Variants in MRPS7 observed in about 807,000 individuals in gnomAD.
MRPS7 encodes mitochondrial ribosomal protein S7.
Under a neutral mutation model 26.2 loss-of-function variants are expected in MRPS7, and 13 were observed. The ratio of observed to expected loss-of-function variants is 0.50; its 90% CI spans 0.32 to 0.79. The LOEUF (loss-of-function observed/expected upper bound fraction) is 0.79, where lower values mean the gene tolerates loss of function less well. Ranked by LOEUF, MRPS7 falls within the 30% of genes least tolerant of loss-of-function variation. The pLI, the probability that MRPS7 is intolerant of heterozygous loss-of-function variation, is 0.03. For synonymous variants in MRPS7, 129 were observed against 113.3 expected, an observed-to-expected ratio of 1.14 and a Z score of -0.88; for missense variants, 318 against 312.2, an observed-to-expected ratio of 1.02 and a Z score of -0.14.
Position 75,262,004 on chromosome 17 carries a change from GGC to G in MRPS7, c.83+23_83+24del, listed in dbSNP as rs36039201. 1,311,206 of 1,557,946 alleles carry G rather than the reference GGC, an allele frequency of 0.84. 544,674 individuals carry two copies. Among genetic ancestry groups the G allele is most frequent in the East Asian group, 0.94 (41,871 of 44,432 alleles). ...CCAGGGTGAGAGGGTGGCGAGCAGC[GGC>G]GGGGGGGCGCTGCGAGGAAGGAAGG... On this transcript the variant is annotated intron_variant, in intron 1 of 4. Transcript: ENST00000245539.
chr17:75,263,039 C>T (rs2077433237), intron 3 of MRPS7, 172 bp downstream of exon 3: 3 of 670,770 alleles, frequency 4.5e-6, no homozygotes, highest in South Asian at 4.2e-5. Context: ...CAGCAACTGC[C>T]ATTCCTTGGT....
chr17:75,262,566 T>C lies in MRPS7; in HGVS notation c.153T>C (p.Tyr51=), dbSNP rs776249725. The C allele has an allele frequency of 1.9e-6, 3 of 1,614,176 alleles. No individual in the cohort carries two copies. The East Asian group carries it at 6.7e-5, about 36-fold the overall frequency. Residue 51 remains tyrosine, a synonymous_variant, in exon 2 of 5, where the codon TAT becomes TAC. Transcript: ENST00000245539. ...ATCCCTTGATTGACAAGGAATATTA[T>C]CGCAAGCCAGTGGAGGAGCTAACTG... ...FKDPLIDKEY[Y]RKPVEELTEE...
In MRPS7 at chr17:75,263,524, G is replaced by A. The variant is rs777946116; in HGVS notation, c.507+17G>A. On this transcript the variant is annotated intron_variant, in intron 4 of 4. Transcript: ENST00000245539. ...TTCTACCAGGTGAATGAATGGCCAG[G>A]GCAAGAAAGCAGGGCCCTCCACATG... The A allele has an allele frequency of 9.9e-6, 16 of 1,613,566 alleles. No individual in the cohort carries two copies. Among genetic ancestry groups the A allele is most frequent in the Non-Finnish European group, 9.3e-6 (11 of 1,179,958 alleles).
chr17:75,263,546 C>T (rs373398547), intron 4 of MRPS7, 39 bp downstream of exon 4: 2 of 1,611,306 alleles, frequency 1.2e-6, no homozygotes, highest in South Asian at 1.1e-5. Flanking sequence ...GGGCCCTCCA[C>T]ATGTGAAACA....
rs762944168 is a variant in MRPS7 at position 75,265,880 on chromosome 17, T to C, written c.686T>C (p.Met229Thr). The C allele has an allele frequency of 1.9e-6, 3 of 1,614,046 alleles. No individual in the cohort carries two copies. Among genetic ancestry groups the C allele is most frequent in the Admixed American group, 3.3e-5 (2 of 60,022 alleles). Residue 229 changes from methionine (M) to threonine (T), a missense_variant, in exon 5 of 5, where the codon ATG (methionine) becomes ACG (threonine). By Grantham distance (81) the Met-to-Thr change is moderately conservative. Transcript: ENST00000245539. ...VIKRKHDLHKMAEANRALAHY... is the reference protein window; with the variant it reads ...VIKRKHDLHKTAEANRALAHY... Reference sequence around the variant, plus strand: ...AAGAGGAAGCATGACTTGCACAAGATGGCAGAGGCCAACCGTGCCCTGGCC... The same window carrying C: ...AAGAGGAAGCATGACTTGCACAAGACGGCAGAGGCCAACCGTGCCCTGGCC...
intron 4 of MRPS7, chr17:75,264,228 G>A (rs1281158231): frequency 6.6e-6 from 1 of 151,702 alleles, no homozygotes; most frequent in Middle Eastern, 3.4e-3. Context: ...TCTGAGTCCT[G>A]TAGCGTAAAA....
chr17:75,263,042 T>A, intron 3 of MRPS7, 175 bp downstream of exon 3: 1 of 669,960 alleles, frequency 1.5e-6, no homozygotes, highest in Non-Finnish European at 2.5e-6. Context: ...CAACTGCCAT[T>A]CCTTGGTGTT....
chr17:75,265,050 C>G (rs2077463347), intron 4 of MRPS7, among the ~76,000 whole-genome samples: 1 of 149,416 alleles, frequency 6.7e-6, no homozygotes, highest in Non-Finnish European at 1.5e-5. Flanking sequence ...TTTTCTTTTT[C>G]TTTTTTTTTG....
At position 75,266,193 on chromosome 17, in the gene MRPS7, G is replaced by A. The variant is rs2077479676; in HGVS notation, c.*270G>A. Reference sequence around the variant, plus strand: ...TCAGGGCTGTTTTCTCTTCCCTTAGGTTGGGGCGGACCTTTGGATATATAA... The same window carrying A: ...TCAGGGCTGTTTTCTCTTCCCTTAGATTGGGGCGGACCTTTGGATATATAA... On this transcript the variant is annotated 3_prime_UTR_variant, in exon 5 of 5. Transcript: ENST00000245539. 3.8e-6 allele frequency: 2 copies of A among 523,964 alleles called. No homozygotes were observed. The highest frequency in any genetic ancestry group is 3.4e-5 in the East Asian group (1 of 28,992). The allele number at this position is 523,964 out of a possible 1,614,324, so 32.5% of individuals were successfully genotyped here. A position where few individuals can be genotyped will look rare whatever the true frequency, so the allele number is the denominator to read the frequency against.
intron 4 of MRPS7, 34 bp from the exon 5 acceptor site, chr17:75,265,668 T>C (rs1190295525): frequency 1.3e-6 from 2 of 1,590,988 alleles, no homozygotes; most frequent in Middle Eastern, 1.7e-4. Flanking sequence ...TGGCAGACTC[T>C]TGGACCAACT....
intron 3 of MRPS7, 79 bp from the exon 4 acceptor site, chr17:75,263,261 T>C (rs2077437102): frequency 7.7e-6 from 12 of 1,558,378 alleles, no homozygotes; most frequent in Non-Finnish European, 1.0e-5. Context: ...AGGATGGGAG[T>C]AAAGGGCAAG....
Position 75,265,728 on chromosome 17 carries a change from T to C in MRPS7, c.534T>C (p.Arg178=), listed in dbSNP as rs1189444309. ...YQVPVPLPDR[R]RRFLAMKWMI... ...TCCCTGTACCCCTACCCGACCGGCG[T>C]CGCCGCTTCCTAGCCATGAAGTGGA... Residue 178 remains arginine (R), a synonymous_variant, in exon 5 of 5, where the codon CGT becomes CGC. Coordinates refer to ENST00000245539, the MANE Select transcript of MRPS7 (RefSeq NM_015971.4). 1.2e-6 allele frequency: 2 copies of C among 1,613,914 alleles called. No individual in the cohort carries two copies. The highest frequency in any genetic ancestry group is 1.7e-6 in the Non-Finnish European group (2 of 1,180,038).
Position 75,261,931 on chromosome 17 carries a change from G to C in MRPS7, c.31G>C (p.Gly11Arg), listed in dbSNP as rs756852535. The change falls in exon 1 of 5, where the codon GGA (glycine) becomes CGA (arginine). Residue 11 changes from glycine (G) to arginine (R), a missense_variant. By Grantham distance (125) the Gly-to-Arg change is moderately radical. Transcript: ENST00000245539. ...TGCCCCCGCAGTGAAGGTTGCCCGA[G>C]GATGGTCGGGCCTGGCGTTGGGCGT... MAAPAVKVAR[G>R]WSGLALGVRR... 1 of 1,609,034 alleles carries C rather than the reference G, an allele frequency of 6.2e-7. No homozygotes were observed. Among genetic ancestry groups the C allele is most frequent in the Non-Finnish European group, 8.5e-7 (1 of 1,179,888 alleles).
chr17:75,261,927 C>T lies in MRPS7; in HGVS notation c.27C>T (p.Ala9=), dbSNP rs777267916. 1.7e-5 allele frequency: 27 copies of T among 1,609,048 alleles called. No homozygotes were observed. The South Asian group carries it at 2.9e-4, about 17-fold the overall frequency. ...TGGCTGCCCCCGCAGTGAAGGTTGC[C>T]CGAGGATGGTCGGGCCTGGCGTTGG... MAAPAVKV[A]RGWSGLALGV... is the part of the protein sequence containing the mutation. The change falls in exon 1 of 5, where the codon GCC becomes GCT. Residue 9 remains alanine, a synonymous_variant. Coordinates refer to ENST00000245539, the MANE Select transcript of MRPS7 (RefSeq NM_015971.4).
rs1325778726 is a variant in MRPS7 at position 75,266,344 on chromosome 17, T to C, written c.*421T>C. On this transcript the variant is annotated 3_prime_UTR_variant, in exon 5 of 5. Coordinates refer to ENST00000245539, the MANE Select transcript of MRPS7 (RefSeq NM_015971.4). ...AGGCTTGTTTCCAGAGTTGTCCTTA[T>C]ACAAAATGTATAAAAAGCAGTTTCT... 3 of 362,254 alleles carry C rather than the reference T, an allele frequency of 8.3e-6. No homozygotes were observed. Among genetic ancestry groups the C allele is most frequent in the Admixed American group, 4.3e-5 (1 of 23,514 alleles). The allele number at this position is 362,254 out of a possible 1,614,324, so 22.4% of individuals were successfully genotyped here.
At chr17:75,262,365 G>A (rs762248682) in intron 1 of MRPS7, 132 bp from the exon 2 acceptor site, 5 of 991,596 alleles carry the variant, frequency 5.0e-6, no homozygotes, top group East Asian at 2.4e-5. Flanking sequence ...AATTGTTGTG[G>A]CTCAGGTTTA....
chr17:75,262,428 A>C (rs914707772), intron 1 of MRPS7, 69 bp from the exon 2 acceptor site: 3 of 1,532,724 alleles, frequency 2.0e-6, no homozygotes, highest in Non-Finnish European at 1.8e-6. Context: ...AGTCATGCCT[A>C]TTGTTAAGTC....
intron 4 of MRPS7, among the ~76,000 whole-genome samples, chr17:75,265,000 A>G (rs900791436): frequency 9.9e-5 from 15 of 151,882 alleles, no homozygotes; most frequent in African/African-American, 2.9e-4. Context: ...ACTTGGTAGG[A>G]CTACCATTTA....
At position 75,266,346 on chromosome 17, in the gene MRPS7, C is replaced by A. The variant is rs1281565313; in HGVS notation, c.*423C>A. On this transcript the variant is annotated 3_prime_UTR_variant, in exon 5 of 5. Coordinates refer to ENST00000245539, the MANE Select transcript of MRPS7 (RefSeq NM_015971.4). Reference sequence around the variant, plus strand: ...GCTTGTTTCCAGAGTTGTCCTTATACAAAATGTATAAAAAGCAGTTTCTGG... The same window carrying A: ...GCTTGTTTCCAGAGTTGTCCTTATAAAAAATGTATAAAAAGCAGTTTCTGG... The A allele has an allele frequency of 1.4e-5, 5 of 361,166 alleles. No individual in the cohort carries two copies. The highest frequency in any genetic ancestry group is 2.1e-5 in the Non-Finnish European group (4 of 192,426). The allele number at this position is 361,166 out of a possible 1,614,324, so 22.4% of individuals were successfully genotyped here. A position where few individuals can be genotyped will look rare whatever the true frequency, so the allele number is the denominator to read the frequency against.
Sources: allele counts gnomAD v4.1 joint callset (sites outside exome capture counted in the v4.1 genomes callset), GRCh38; gene constraint gnomAD v4.1.1; transcripts MANE v1.5; gene names NCBI Gene and HGNC (gene_info 2026-07-23, HGNC 2026-07-21).